Variants in B3GALT1 observed in about 807,000 individuals in gnomAD.
The protein encoded by B3GALT1 is UDP-Gal:betaGlcNAc beta 1,3-galactosyltransferase, polypeptide 1.
In B3GALT1, 10 loss-of-function variants were observed where a neutral mutation model predicts 23.2. That is an observed-to-expected ratio of 0.43 (90% CI 0.27 to 0.73). The LOEUF (loss-of-function observed/expected upper bound fraction) is 0.73. Ranked by LOEUF, B3GALT1 falls within the 30% of genes least tolerant of loss-of-function variation. B3GALT1 has a pLI of 0.21. For missense variants in B3GALT1, 299 were observed against 405.4 expected (o/e 0.74, Z 2.25); for synonymous variants, 156 against 141.5 (o/e 1.10, Z -0.73).
chr2:167,844,435 G>A (rs1689713339), intron 4 of B3GALT1, among the ~76,000 whole-genome samples: 1 of 152,178 alleles, frequency 6.6e-6, no homozygotes. Context: ...CCCCAACTGC[G>A]GTAGTGGGAA....
intron 1 of B3GALT1, among the ~76,000 whole-genome samples, chr2:167,344,128 A>G (rs559911169): frequency 1.3e-5 from 2 of 152,342 alleles, no homozygotes; most frequent in Non-Finnish European, 2.9e-5. Context: ...ATTAATAAGT[A>G]AATACAATAT....
At chr2:167,599,481 C>A (rs185722589) in intron 2 of B3GALT1, among the ~76,000 whole-genome samples, 1 of 152,290 alleles carries the variant, frequency 6.6e-6, no homozygotes, top group East Asian at 1.9e-4. Flanking sequence ...TAGTTACAAG[C>A]TCTGTTATAG....
intron 4 of B3GALT1, among the ~76,000 whole-genome samples, chr2:167,841,729 A>G (rs1003791049): frequency 2.0e-5 from 3 of 152,066 alleles, no homozygotes; most frequent in African/African-American, 7.3e-5. Context: ...CCTAATTAGG[A>G]AAGTAAAATG....
At chr2:167,573,427 G>C (rs1684332102) in intron 2 of B3GALT1, among the ~76,000 whole-genome samples, 1 of 151,724 alleles carries the variant, frequency 6.6e-6, no homozygotes, top group Admixed American at 6.6e-5. Context: ...TTTCATTCCA[G>C]TGGTTATTGC....
At chr2:167,736,305 T>C (rs1687491020) in intron 3 of B3GALT1, among the ~76,000 whole-genome samples, 1 of 152,194 alleles carries the variant, frequency 6.6e-6, no homozygotes, top group African/African-American at 2.4e-5. Context: ...CATTCAAAAA[T>C]AGCATTTCAG....
intron 3 of B3GALT1, among the ~76,000 whole-genome samples, chr2:167,697,166 CTA>C (rs769345545): frequency 5.3e-5 from 8 of 152,084 alleles, no homozygotes; most frequent in Non-Finnish European, 1.2e-4. Flanking sequence ...ATAGAAATAA[CTA>C]TGTTTTGAAA....
chr2:167,666,567 A>G (rs1266970288), intron 3 of B3GALT1, among the ~76,000 whole-genome samples: 1 of 151,464 alleles, frequency 6.6e-6, no homozygotes, highest in Non-Finnish European at 1.5e-5. Flanking sequence ...GTCTCCCATT[A>G]TTAATGTGTG....
At chr2:167,809,593 A>G (rs1321586510) in intron 3 of B3GALT1, among the ~76,000 whole-genome samples, 1 of 152,228 alleles carries the variant, frequency 6.6e-6, no homozygotes, top group Non-Finnish European at 1.5e-5. Context: ...AGGCTGCAGA[A>G]CAGTGGATAT....
At chr2:167,487,675 A>G (rs1699649318) in intron 1 of B3GALT1, among the ~76,000 whole-genome samples, 1 of 152,216 alleles carries the variant, frequency 6.6e-6, no homozygotes, top group South Asian at 2.1e-4. Flanking sequence ...AAATATTTTC[A>G]TATGCTTTAA....
At chr2:167,669,409 G>GT (rs1026561588) in intron 3 of B3GALT1, among the ~76,000 whole-genome samples, 40 of 152,190 alleles carry the variant, frequency 2.6e-4, no homozygotes, top group African/African-American at 9.1e-4. Context: ...ATATGGTCTG[G>GT]TTTTTTTCTC....
chr2:167,402,692 C>T (rs537246249), intron 1 of B3GALT1, among the ~76,000 whole-genome samples: 1 of 152,076 alleles, frequency 6.6e-6, no homozygotes, highest in Admixed American at 6.6e-5. Context: ...AAGCAGCAAA[C>T]TTAAATCTCA....
chr2:167,532,212 TAATA>T (rs1226466629), intron 2 of B3GALT1, among the ~76,000 whole-genome samples: 8 of 152,176 alleles, frequency 5.3e-5, no homozygotes, highest in Admixed American at 1.3e-4. Context: ...TATGAATTTT[TAATA>T]AATAATTTCT....
At chr2:167,812,516 A>G (rs991501336) in intron 3 of B3GALT1, among the ~76,000 whole-genome samples, 2 of 152,212 alleles carry the variant, frequency 1.3e-5, no homozygotes, top group Non-Finnish European at 1.5e-5. Flanking sequence ...TTTTATAGGT[A>G]GATATCAATT....
At chr2:167,365,602 A>ACACG (rs1697573799) in intron 1 of B3GALT1, among the ~76,000 whole-genome samples, 2 of 151,228 alleles carry the variant, frequency 1.3e-5, no homozygotes, top group South Asian at 4.2e-4. Context: ...ACACACACAC[A>ACACG]CACACACACA....
At chr2:167,429,073 A>G (rs1435723670) in intron 1 of B3GALT1, among the ~76,000 whole-genome samples, 2 of 151,930 alleles carry the variant, frequency 1.3e-5, no homozygotes, top group Non-Finnish European at 2.9e-5. Context: ...AGGTCAGGAG[A>G]TCGAGACCAT....
At chr2:167,579,814 ATCTG>A (rs1248262690) in intron 2 of B3GALT1, among the ~76,000 whole-genome samples, 2 of 152,020 alleles carry the variant, frequency 1.3e-5, no homozygotes, top group South Asian at 4.2e-4. Flanking sequence ...GATTTCATTA[ATCTG>A]TCTGTCTTTA....
At chr2:167,636,581 A>C (rs1166978116) in intron 2 of B3GALT1, among the ~76,000 whole-genome samples, 1 of 152,162 alleles carries the variant, frequency 6.6e-6, no homozygotes, top group Admixed American at 6.6e-5. Flanking sequence ...GCTTGGAACC[A>C]ACCCAAATGC....
chr2:167,628,294 A>C (rs1425387606), intron 2 of B3GALT1, among the ~76,000 whole-genome samples: 2 of 151,652 alleles, frequency 1.3e-5, no homozygotes, highest in Non-Finnish European at 3.0e-5. Flanking sequence ...AGTATACATT[A>C]TGCTTTCACT....
chr2:167,532,455 G>C (rs952794047), intron 2 of B3GALT1, among the ~76,000 whole-genome samples: 1 of 151,886 alleles, frequency 6.6e-6, no homozygotes, highest in Non-Finnish European at 1.5e-5. Flanking sequence ...TGTATTTTTT[G>C]TTTGTTGCTT....
Sources: allele counts gnomAD v4.1 joint callset (sites outside exome capture counted in the v4.1 genomes callset), GRCh38; gene constraint gnomAD v4.1.1; transcripts MANE v1.5; gene names NCBI Gene and HGNC (gene_info 2026-07-23, HGNC 2026-07-21).